The following GOLGB1 variants were observed in gnomAD, a reference collection of about 807,000 sequenced individuals.
GOLGB1 encodes the protein golgin subfamily B member 1.
GOLGB1 carries 174 observed loss-of-function variants against 336.9 expected under a neutral mutation model. The observed-to-expected ratio is 0.52, with a 90% confidence interval of 0.46 to 0.59. The LOEUF (loss-of-function observed/expected upper bound fraction) is 0.59, where lower values mean the gene tolerates loss of function less well. GOLGB1 is among the 20% of genes least tolerant of loss of function. GOLGB1 has a pLI of 0.00. For synonymous variants in GOLGB1, 1,208 were observed against 1,289.2 expected, an observed-to-expected ratio of 0.94 and a Z score of 1.35; for missense variants, 3,331 against 3,645.3, an observed-to-expected ratio of 0.91 and a Z score of 2.22.
rs114710035 is a variant in GOLGB1, at chr3:121,694,063, G to T, written c.6460C>A (p.Arg2154Ser). ...KNMQEKLDAL[R>S]REKVHLEETI... ...TCTTCCAAGTGGACTTTTTCTCTGC[G>T]CAAAGCATCCAGTTTCTCTTGCATA... is the stretch of plus-strand genomic sequence containing the variant. Residue 2154 changes from arginine to serine, a missense_variant, in exon 13 of 22, where the codon CGC becomes AGC. Transcript: ENST00000614479. The T allele has an allele frequency of 1.2e-6, 2 of 1,613,820 alleles. No homozygotes were observed. The highest frequency in any genetic ancestry group is 2.2e-5 in the South Asian group (2 of 91,072).
At chr3:121,699,919 A>ATT in intron 11 of GOLGB1, 34 bp from the exon 12 acceptor site, 1 of 1,233,420 alleles carries the variant, frequency 8.1e-7, no homozygotes. Flanking sequence ...TTTAGAAGAT[A>ATT]TATGTGGAGT....
chr3:121,729,890 A>G lies in GOLGB1; in HGVS notation c.224T>C (p.Leu75Pro). The part of the protein sequence containing the change: ...KDIIRQKDVQ[L>P]QQKDEALQEE... ...CTGTAGAGCTTCATCTTTCTGCTGC[A>G]GTTGAACATCCTTCTGTCTAATAAT... is the stretch of plus-strand genomic sequence containing the variant. Residue 75 changes from leucine (L) to proline (P), a missense_variant, in exon 3 of 22, where the codon CTG (leucine) becomes CCG (proline). Leu to Pro is a moderately conservative substitution (Grantham distance 98, BLOSUM62 -3). Transcript: ENST00000614479. The G allele has an allele frequency of 6.2e-7, 1 of 1,612,458 alleles. No homozygotes were observed. The highest frequency in any genetic ancestry group is 8.5e-7 in the Non-Finnish European group (1 of 1,178,772).
At chr3:121,666,423 A>G (rs1282715541) in intron 20 of GOLGB1, among the ~76,000 whole-genome samples, 1 of 152,170 alleles carries the variant, frequency 6.6e-6, no homozygotes, top group Non-Finnish European at 1.5e-5. Flanking sequence ...TCACCGGTCT[A>G]AACAATTCAA....
chr3:121,693,211 G>T (rs1353441239), intron 13 of GOLGB1, among the ~76,000 whole-genome samples: 1 of 152,220 alleles, frequency 6.6e-6, no homozygotes, highest in Admixed American at 6.5e-5. Flanking sequence ...CAGAGGCCAG[G>T]TGCAATGGCT....
intron 15 of GOLGB1, among the ~76,000 whole-genome samples, chr3:121,679,206 T>A (rs1222831194): frequency 5.9e-5 from 9 of 152,112 alleles, no homozygotes; most frequent in Admixed American, 5.9e-4. Context: ...AGCACTGACA[T>A]GACACTCAAA....
At chr3:121,741,008 T>G (rs1003570001) in intron 1 of GOLGB1, among the ~76,000 whole-genome samples, 4 of 151,364 alleles carry the variant, frequency 2.6e-5, no homozygotes, top group Admixed American at 1.3e-4. Flanking sequence ...AAAAAAGCAC[T>G]AGATTTTTCA....
intron 8 of GOLGB1, among the ~76,000 whole-genome samples, chr3:121,718,087 T>G (rs1369028802): frequency 1.3e-5 from 2 of 152,188 alleles, no homozygotes; most frequent in Non-Finnish European, 2.9e-5. Flanking sequence ...GATTTTCAGA[T>G]TAGGCATACT....
intron 10 of GOLGB1, among the ~76,000 whole-genome samples, chr3:121,711,206 T>G (rs1365460826): frequency 1.3e-5 from 2 of 151,486 alleles, no homozygotes; most frequent in African/African-American, 4.9e-5. Flanking sequence ...AATAAATAAA[T>G]AGAAAAATTT....
chr3:121,695,836 A>G lies in GOLGB1; in HGVS notation c.4687T>C (p.Ser1563Pro), dbSNP rs764644421. Residue 1563 changes from serine (S) to proline (P), a missense_variant, in exon 13 of 22, where the codon TCT (serine) becomes CCT (proline). Coordinates refer to ENST00000614479, the MANE Select transcript of GOLGB1 (RefSeq NM_001366282.2). ...RDKLITEMDR[S>P]LLENQSLSSS... ...CTGAGACTCTGATTTTCCAATAAAG[A>G]CCTGTCCATTTCTGTAATGAGTTTG... The G allele has an allele frequency of 1.2e-6, 2 of 1,613,994 alleles. No individual in the cohort carries two copies. Among genetic ancestry groups the G allele is most frequent in the Non-Finnish European group, 1.7e-6 (2 of 1,179,936 alleles).
intron 5 of GOLGB1, among the ~76,000 whole-genome samples, chr3:121,724,065 G>A (rs564751504): frequency 6.6e-6 from 1 of 152,094 alleles, no homozygotes; most frequent in African/African-American, 2.4e-5. Flanking sequence ...GACTAAAAAG[G>A]AAAATTGGTA....
chr3:121,688,802 C>A (rs891438904), intron 14 of GOLGB1, among the ~76,000 whole-genome samples: 4 of 151,982 alleles, frequency 2.6e-5, no homozygotes, highest in African/African-American at 9.7e-5. Flanking sequence ...TCCGCCGCCC[C>A]GTCTGGGATG....
intron 14 of GOLGB1, among the ~76,000 whole-genome samples, chr3:121,688,611 G>A (rs1335836037): frequency 3.9e-5 from 6 of 152,146 alleles, no homozygotes; most frequent in African/African-American, 1.4e-4. Flanking sequence ...CCGCCACCCC[G>A]TCTGGGAAGT....
intron 5 of GOLGB1, among the ~76,000 whole-genome samples, chr3:121,722,802 G>C (rs980446393): frequency 1.3e-5 from 2 of 152,194 alleles, no homozygotes; most frequent in Admixed American, 6.6e-5. Context: ...GTCTGAGAAA[G>C]GGACAGCCCT....
chr3:121,679,102 A>T (rs894053172), intron 15 of GOLGB1, among the ~76,000 whole-genome samples: 8 of 152,192 alleles, frequency 5.3e-5, no homozygotes, highest in Non-Finnish European at 2.9e-5. Context: ...GTTCTAGACA[A>T]AATAAAATAG....
chr3:121,705,526 G>A (rs2107964289), intron 10 of GOLGB1, among the ~76,000 whole-genome samples: 1 of 152,316 alleles, frequency 6.6e-6, no homozygotes, highest in Non-Finnish European at 1.5e-5. Flanking sequence ...AGAGTTTTCA[G>A]GCTGTGGTCC....
At chr3:121,740,985 G>A (rs529838333) in intron 1 of GOLGB1, among the ~76,000 whole-genome samples, 1 of 150,898 alleles carries the variant, frequency 6.6e-6, no homozygotes, top group South Asian at 2.1e-4. Flanking sequence ...CATATGACCA[G>A]TAAGATAAAG....
chr3:121,745,925 G>A (rs898141589), intron 1 of GOLGB1, among the ~76,000 whole-genome samples: 1 of 152,040 alleles, frequency 6.6e-6, no homozygotes, highest in Non-Finnish European at 1.5e-5. Flanking sequence ...CAACCACCTG[G>A]TGTTCAGCAT....
Position 121,677,328 on chromosome 3 carries a change from G to C in GOLGB1, c.8996C>G (p.Ser2999Cys). 6.2e-7 allele frequency: 1 copy of C among 1,607,346 alleles called. No individual in the cohort carries two copies. The highest frequency in any genetic ancestry group is 8.5e-7 in the Non-Finnish European group (1 of 1,177,942). The part of the protein sequence containing the change: ...LQNLIRELRS[S>C]SSQTQPLKVQ... The stretch of plus-strand genomic sequence containing the variant: ...TTTGAGAGGCTGAGTCTGGGAGGAA[G>C]AAGACCTCAATTCCCTTATAAGATT... The change falls in exon 16 of 22, where the codon TCT (serine) becomes TGT (cysteine). Residue 2999 changes from serine (S) to cysteine (C), a missense_variant. By Grantham distance (112) the Ser-to-Cys change is moderately radical. Coordinates refer to ENST00000614479, the MANE Select transcript of GOLGB1 (RefSeq NM_001366282.2).
At chr3:121,709,262 T>A (rs1399151177) in intron 10 of GOLGB1, among the ~76,000 whole-genome samples, 2 of 152,148 alleles carry the variant, frequency 1.3e-5, no homozygotes, top group African/African-American at 4.8e-5. Flanking sequence ...AACCCCCTCT[T>A]AGCAAATGTT....
Sources: allele counts gnomAD v4.1 joint callset (sites outside exome capture counted in the v4.1 genomes callset), GRCh38; gene constraint gnomAD v4.1.1; transcripts MANE v1.5; gene names NCBI Gene and HGNC (gene_info 2026-07-23, HGNC 2026-07-21).